E2F3: variants seen among roughly 807,000 people sequenced by gnomAD.
E2F3 encodes the protein E2F transcription factor 3.
In E2F3, 11 loss-of-function variants were observed where a neutral mutation model predicts 44.4. That is an observed-to-expected ratio of 0.25 (90% confidence interval 0.16 to 0.41). The LOEUF (loss-of-function observed/expected upper bound fraction) is 0.41. Among genes scored for constraint, E2F3 ranks in the 10% least tolerant of loss-of-function variants. The probability of loss-of-function intolerance (pLI) is 1.00; values close to 1 mark genes in which losing one functional copy is unlikely to be tolerated. For synonymous variants in E2F3, 249 were observed against 253.0 expected (o/e 0.98, Z 0.15); for missense variants, 487 against 583.6 (o/e 0.83, Z 1.70).
intron 1 of E2F3, among the ~76,000 whole-genome samples, chr6:20,415,315 G>C (rs954923605): frequency 1.3e-5 from 2 of 152,230 alleles, no homozygotes; most frequent in African/African-American, 4.8e-5. Context: ...CAAACTTGAT[G>C]GAGGGGACAA....
At chr6:20,441,932 CT>C (rs1328891723) in intron 1 of E2F3, among the ~76,000 whole-genome samples, 1 of 151,940 alleles carries the variant, frequency 6.6e-6, no homozygotes, top group African/African-American at 2.4e-5. Context: ...TCTTACAATC[CT>C]ACTAGCCATG....
At chr6:20,446,756 CAG>C (rs1760959202) in intron 1 of E2F3, among the ~76,000 whole-genome samples, 3 of 152,098 alleles carry the variant, frequency 2.0e-5, no homozygotes, top group African/African-American at 2.4e-5. Flanking sequence ...TTAGTAGAGA[CAG>C]GGTTTCACCA....
rs995278674 is a variant in E2F3 at position 20,491,733 on chromosome 6, G to A, written c.*1303G>A. The A allele has an allele frequency of 1.6e-5, 3 of 181,928 alleles. No homozygotes were observed. Among genetic ancestry groups the A allele is most frequent in the African/African-American group, 2.4e-5 (1 of 42,418 alleles). The allele number at this position is 181,928 out of a possible 1,614,324, so 11.3% of individuals were successfully genotyped here. On this transcript the variant is annotated 3_prime_UTR_variant, in exon 7 of 7. Coordinates refer to ENST00000346618, the MANE Select transcript of E2F3 (RefSeq NM_001949.5). ...CAGGAACAGGGAGCAGCCCTGTGTCGGGGGCTGGAATAGTTCTGGCCAGAC... is the reference window on the plus strand; with the variant it reads ...CAGGAACAGGGAGCAGCCCTGTGTCAGGGGCTGGAATAGTTCTGGCCAGAC...
At chr6:20,428,390 T>G (rs1760286108) in intron 1 of E2F3, among the ~76,000 whole-genome samples, 1 of 152,168 alleles carries the variant, frequency 6.6e-6, no homozygotes, top group Middle Eastern at 3.4e-3. Context: ...GCCTGGCTAA[T>G]TTTTGTATTT....
At chr6:20,481,482 G>C in intron 3 of E2F3, 57 bp downstream of exon 3, 1 of 1,489,584 alleles carries the variant, frequency 6.7e-7, no homozygotes, top group Non-Finnish European at 9.3e-7. Context: ...AAACTGCCTG[G>C]TTTCTTAGTT....
Position 20,492,708 on chromosome 6 carries a change from A to T in E2F3, c.*2278A>T, listed in dbSNP as rs1459400409. On this transcript the variant is annotated 3_prime_UTR_variant, in exon 7 of 7. Coordinates refer to ENST00000346618, the MANE Select transcript of E2F3 (RefSeq NM_001949.5). ...ATTTATTGTTTTTAAAATGAAAGGAATACTAATAAGTCTTAAAAGTTCCTT... is the reference window on the plus strand; with the variant it reads ...ATTTATTGTTTTTAAAATGAAAGGATTACTAATAAGTCTTAAAAGTTCCTT... 2 of 231,284 alleles carry T rather than the reference A, an allele frequency of 8.6e-6. No individual in the cohort carries two copies. Among genetic ancestry groups the T allele is most frequent in the Non-Finnish European group, 1.7e-5 (2 of 116,658 alleles). The allele number at this position is 231,284 out of a possible 1,614,324, so 14.3% of individuals were successfully genotyped here.
intron 1 of E2F3, among the ~76,000 whole-genome samples, chr6:20,460,634 G>C (rs991161470): frequency 1.3e-5 from 2 of 152,066 alleles, no homozygotes; most frequent in Admixed American, 6.6e-5. Context: ...ATGCCTTCCT[G>C]TGCATGTTTT....
At chr6:20,430,307 T>C (rs1384572137) in intron 1 of E2F3, among the ~76,000 whole-genome samples, 1 of 152,354 alleles carries the variant, frequency 6.6e-6, no homozygotes, top group Admixed American at 6.5e-5. Context: ...TATTTTTATT[T>C]GCTAAATCTG....
chr6:20,440,257 T>G (rs926453885), intron 1 of E2F3: 8 of 152,230 alleles, frequency 5.3e-5, no homozygotes, highest in African/African-American at 1.9e-4. Context: ...GTACATGACT[T>G]CCAAAGAAAT....
chr6:20,479,189 C>T (rs966618748), intron 1 of E2F3, among the ~76,000 whole-genome samples: 6 of 152,164 alleles, frequency 3.9e-5, no homozygotes, highest in Admixed American at 6.5e-5. Context: ...GATGAAGGGC[C>T]GTTTGTAGTC....
chr6:20,466,303 G>A (rs1235970882), intron 1 of E2F3, among the ~76,000 whole-genome samples: 1 of 152,098 alleles, frequency 6.6e-6, no homozygotes, highest in Non-Finnish European at 1.5e-5. Context: ...GGTAGAGATG[G>A]GGTTTCACCA....
intron 1 of E2F3, among the ~76,000 whole-genome samples, chr6:20,473,052 A>G (rs756425436): frequency 6.6e-6 from 1 of 152,232 alleles, no homozygotes; most frequent in Non-Finnish European, 1.5e-5. Flanking sequence ...GTATATAGCT[A>G]TCTGAAAGGA....
intron 1 of E2F3, among the ~76,000 whole-genome samples, chr6:20,404,681 C>T (rs1229487368): frequency 6.6e-6 from 1 of 151,854 alleles, no homozygotes; most frequent in African/African-American, 2.4e-5. Flanking sequence ...CCCAGAGATA[C>T]TTGCTGGGCA....
In E2F3 at chr6:20,479,913, A is replaced by C; in HGVS notation, c.461A>C (p.Lys154Thr). 6.2e-7 allele frequency: 1 copy of C among 1,612,782 alleles called. No homozygotes were observed. Among genetic ancestry groups the C allele is most frequent in the Non-Finnish European group, 8.5e-7 (1 of 1,179,406 alleles). ...QYLSDGLKTPKGKGRAALRSP... is the reference protein window; with the variant it reads ...QYLSDGLKTPTGKGRAALRSP... ...CTCTCAGATGGTTTAAAAACCCCCA[A>C]GGGCAAAGGAAGAGCTGCACTACGA... Residue 154 changes from lysine to threonine, a missense_variant, in exon 2 of 7, where the codon AAG becomes ACG. By Grantham distance (78) the Lys-to-Thr change is moderately conservative (BLOSUM62 -1). Coordinates refer to ENST00000346618, the MANE Select transcript of E2F3 (RefSeq NM_001949.5).
Position 20,402,364 on chromosome 6 carries a change from CGCCGCCGCCGCCGCCGCT to C in E2F3, c.142_159del (p.Ala48_Ala53del), listed in dbSNP as rs1759330576. ...GGGCACTGCTAGCCAGCCCCGGCTT[CGCCGCCGCCGCCGCCGCT>C]GCCGCCGCCCCGGGCGCGTACATCC... On this transcript the variant is annotated inframe_deletion, in exon 1 of 7. Transcript: ENST00000346618. This position sits in a 1 kb window ranked among gnomAD's most constrained non-coding sequence, Gnocchi z 5.6. 2.5e-6 allele frequency: 4 copies of C among 1,597,930 alleles called. No individual in the cohort carries two copies. Among genetic ancestry groups the C allele is most frequent in the Non-Finnish European group, 3.4e-6 (4 of 1,174,636 alleles).
At chr6:20,488,036 A>G (rs1209176681) in intron 5 of E2F3, 77 bp from the exon 6 acceptor site, 4 of 1,586,678 alleles carry the variant, frequency 2.5e-6, no homozygotes, top group Non-Finnish European at 3.4e-6. Flanking sequence ...CTTACTTTCC[A>G]TTTTTAGACA....
chr6:20,450,741 G>A (rs908681989), intron 1 of E2F3, among the ~76,000 whole-genome samples: 3 of 152,022 alleles, frequency 2.0e-5, no homozygotes, highest in Non-Finnish European at 4.4e-5. Context: ...TTGTCTTCCC[G>A]GGTTTTTATA....
At chr6:20,424,446 G>C (rs1312875942) in intron 1 of E2F3, among the ~76,000 whole-genome samples, 1 of 152,042 alleles carries the variant, frequency 6.6e-6, no homozygotes, top group Non-Finnish European at 1.5e-5. Flanking sequence ...GTGTGCATGT[G>C]TGTCTGTGTT....
chr6:20,486,316 A>G (rs964502169), intron 4 of E2F3, among the ~76,000 whole-genome samples: 3 of 152,204 alleles, frequency 2.0e-5, no homozygotes, highest in Admixed American at 2.0e-4. Context: ...TCTGTCGCCC[A>G]GGCTGGAGTG....
Sources: gnomAD v4.1 joint callset for allele counts (sites outside exome capture counted in the v4.1 genomes callset) on GRCh38, gnomAD v4.1.1 for gene constraint, Gnocchi (gnomAD v3.1) non-coding constraint, MANE v1.5 for transcripts, NCBI Gene and HGNC (gene_info 2026-07-23, HGNC 2026-07-21) for gene names.